Variants in ABITRAM observed in about 807,000 individuals in gnomAD.
The protein encoded by ABITRAM is protein Abitram.
ABITRAM carries 19 observed loss-of-function variants against 22.9 expected under a neutral mutation model. The ratio of observed to expected loss-of-function variants is 0.83; its 90% CI spans 0.58 to 1.22. ABITRAM has a LOEUF of 1.22. Among genes scored for constraint, ABITRAM ranks in the 50% most tolerant of loss-of-function variants. ABITRAM has a pLI of 0.00. For missense variants in ABITRAM, 215 were observed against 220.2 expected (o/e 0.98, Z 0.15); for synonymous variants, 70 against 73.9 (o/e 0.95, Z 0.27).
intron 3 of ABITRAM, among the ~76,000 whole-genome samples, chr9:108,950,323 G>T (rs115133927): frequency 6.6e-6 from 1 of 152,098 alleles, no homozygotes; most frequent in African/African-American, 2.4e-5. Flanking sequence ...AACTTAAAAA[G>T]GTCAAAATTC....
In ABITRAM at chr9:108,939,578, G is replaced by T; in HGVS notation, c.438G>T (p.Val146=). The change falls in exon 6 of 6, where the codon GTG becomes GTT. Residue 146 remains valine (V), a synonymous_variant. Coordinates refer to ENST00000322940, the MANE Select transcript of ABITRAM (RefSeq NM_017832.4). ...CTACTGAAGGCTACATTGCAGTTGT[G>T]TTACCCAAATTTGAAGAAAGTAAAA... ...KPSTEGYIAV[V]LPKFEESKSI... 6.2e-7 allele frequency: 1 copy of T among 1,613,706 alleles called. No homozygotes were observed. The highest frequency in any genetic ancestry group is 1.3e-5 in the African/African-American group (1 of 74,910).
chr9:108,943,547 C>G (rs1429267989), downstream of ABITRAM, among the ~76,000 whole-genome samples: 2 of 151,844 alleles, frequency 1.3e-5, no homozygotes, highest in Non-Finnish European at 2.9e-5. Flanking sequence ...TCTCTGGGGT[C>G]AGTTATGAGA....
Position 108,939,256 on chromosome 9 carries a change from G to T in ABITRAM, c.322G>T (p.Glu108Ter), listed in dbSNP as rs755058896. Residue 108 changes from glutamate to a stop codon, truncating the protein, a stop_gained, in exon 4 of 6, where the codon GAA becomes TAA. Transcript: ENST00000322940. LOFTEE classifies it high-confidence loss of function. ...TAAGATTTACTGCTCAGATGGTGAA[G>T]AATATACTGTGTCTAGGTGAGTAAC... ...LCKIYCSDGE[E>*]YTVSSCVRGR... is the part of the protein sequence containing the mutation. 7 of 1,613,842 alleles carry T rather than the reference G, an allele frequency of 4.3e-6. No individual in the cohort carries two copies. In the African/African-American group the frequency reaches 9.3e-5, roughly 22 times the overall value.
rs1480779317 is a variant in ABITRAM, at chr9:108,934,532, G to A, written c.46G>A (p.Val16Met). ...CGCGGAGCCGGTGGTGCCTTCGCTC[G>A]TGGATCGATACTTCACTCGCTGGTA... ...EAAEPVVPSL[V>M]DRYFTRWYKP... Residue 16 changes from valine (V) to methionine (M), a missense_variant, in exon 1 of 6, where the codon GTG becomes ATG. By Grantham distance (21) the Val-to-Met change is conservative (BLOSUM62 1). Transcript: ENST00000322940. 2.5e-6 allele frequency: 4 copies of A among 1,606,710 alleles called. No individual in the cohort carries two copies. Among genetic ancestry groups the A allele is most frequent in the East Asian group, 4.5e-5 (2 of 44,236 alleles).
At chr9:108,944,082 A>G, downstream of ABITRAM, 3 of 1,390,194 alleles carry the variant, frequency 2.2e-6, no homozygotes, top group Non-Finnish European at 3.0e-6. Flanking sequence ...TAAGAAATAT[A>G]CTTACTAATA....
At chr9:108,939,363 A>G in intron 4 of ABITRAM, 22 bp from the exon 5 acceptor site, 1 of 1,598,680 alleles carries the variant, frequency 6.3e-7, no homozygotes, top group Non-Finnish European at 8.5e-7. Flanking sequence ...AAACATGCTG[A>G]AATCTTAAAT....
At chr9:108,934,925 A>G (rs147481372) in intron 1 of ABITRAM, among the ~76,000 whole-genome samples, 3 of 152,192 alleles carry the variant, frequency 2.0e-5, no homozygotes, top group Non-Finnish European at 4.4e-5. Context: ...AGCGATACAT[A>G]AAATTATTTA....
intron 3 of ABITRAM, 132 bp downstream of exon 3, chr9:108,936,569 G>A (rs1830190128): frequency 2.0e-6 from 2 of 987,204 alleles, no homozygotes; most frequent in African/African-American, 1.6e-5. Context: ...GCTAATTTTA[G>A]GTATACTTTC....
At position 108,939,788 on chromosome 9, in the gene ABITRAM, A is replaced by G; in HGVS notation, c.*102A>G. 1 of 1,368,206 alleles carries G rather than the reference A, an allele frequency of 7.3e-7. No individual in the cohort carries two copies. The highest frequency in any genetic ancestry group is 1.5e-5 in the African/African-American group (1 of 68,796). The allele number at this position is 1,368,206 out of a possible 1,614,324, so 84.8% of individuals were successfully genotyped here. A position where few individuals can be genotyped will look rare whatever the true frequency, so the allele number is the denominator to read the frequency against. On this transcript the variant is annotated 3_prime_UTR_variant, in exon 6 of 6. Coordinates refer to ENST00000322940, the MANE Select transcript of ABITRAM (RefSeq NM_017832.4). ...CCAGTATATGTAAAGCATACCTAAC[A>G]GCCAGCCATATGCAGGGGAGGCCTA...
At chr9:108,948,281 G>A (rs1830463266) in intron 3 of ABITRAM, 1 of 1,554,086 alleles carries the variant, frequency 6.4e-7, no homozygotes. Flanking sequence ...GTTATTACCT[G>A]AAAATTGACT....
intron 1 of ABITRAM, among the ~76,000 whole-genome samples, chr9:108,935,218 A>G (rs1368804846): frequency 6.6e-6 from 1 of 152,180 alleles, no homozygotes; most frequent in African/African-American, 2.4e-5. Flanking sequence ...ACATAGGGTG[A>G]CCAACCTGTC....
downstream of ABITRAM, chr9:108,943,883 T>G (rs1830320417): frequency 6.3e-7 from 1 of 1,599,538 alleles, no homozygotes; most frequent in East Asian, 2.2e-5. Flanking sequence ...CTTAAACACA[T>G]TTATACATTG....
downstream of ABITRAM, chr9:108,942,618 C>A (rs1830273538): frequency 5.0e-6 from 3 of 601,104 alleles, no homozygotes; most frequent in Admixed American, 9.6e-5. Flanking sequence ...AAAAGCTTTA[C>A]AATCAGTTTC....
At chr9:108,948,349 T>G in intron 3 of ABITRAM, 1 of 874,718 alleles carries the variant, frequency 1.1e-6, no homozygotes, top group Non-Finnish European at 1.7e-6. Flanking sequence ...TTTTGAAGAA[T>G]AATATGAATA....
intron 3 of ABITRAM, among the ~76,000 whole-genome samples, chr9:108,946,244 A>G (rs1053083745): frequency 6.6e-5 from 10 of 150,712 alleles, no homozygotes; most frequent in Admixed American, 6.7e-5. Flanking sequence ...GGCTGTAGTG[A>G]GCCGAGATCG....
At chr9:108,948,309 T>G (rs1261309288) in intron 3 of ABITRAM, 4 of 1,410,074 alleles carry the variant, frequency 2.8e-6, no homozygotes, top group Non-Finnish European at 2.9e-6. Flanking sequence ...ATTAAAATTT[T>G]AGAGCATTTG....
At chr9:108,947,657 C>A (rs975104592) in intron 3 of ABITRAM, among the ~76,000 whole-genome samples, 1 of 152,140 alleles carries the variant, frequency 6.6e-6, no homozygotes, top group African/African-American at 2.4e-5. Context: ...TGTTAAGACA[C>A]ATGGCACAAG....
intron 1 of ABITRAM, 115 bp downstream of exon 1, chr9:108,934,680 G>C: frequency 1.0e-6 from 1 of 974,662 alleles, no homozygotes; most frequent in South Asian, 1.5e-5. Flanking sequence ...CCCCACGTCA[G>C]AAGGCACTGG....
At position 108,950,665 on chromosome 9, in the gene ABITRAM, A is replaced by AT. The variant is rs1241578840; in HGVS notation, c.*73dup. Reference sequence around the variant, plus strand: ...TTCTGTCTGCTGCCTCACCTATCCCATCCCATAAAAGGAGGTGGATGCTCA... The same window carrying AT: ...TTCTGTCTGCTGCCTCACCTATCCCATTCCCATAAAAGGAGGTGGATGCTCA... On this transcript the variant is annotated 3_prime_UTR_variant, in exon 4 of 4. Transcript: ENST00000374624. 35 of 1,511,656 alleles carry AT rather than the reference A, an allele frequency of 2.3e-5. No individual in the cohort carries two copies. The East Asian group carries it at 7.9e-4, about 34-fold the overall frequency. 93.6% of individuals were successfully genotyped at this position (1,511,656 alleles called of 1,614,324 possible).
Sources: gnomAD v4.1 joint callset for allele counts (sites outside exome capture counted in the v4.1 genomes callset) on GRCh38, gnomAD v4.1.1 for gene constraint, MANE v1.5 for transcripts, NCBI Gene and HGNC (gene_info 2026-07-23, HGNC 2026-07-21) for gene names.